Variants in GBF1 observed in about 807,000 individuals in gnomAD.
GBF1 encodes the protein Golgi-specific brefeldin A-resistance guanine nucleotide exchange factor 1.
GBF1 carries 114 observed loss-of-function variants against 210.5 expected under a neutral mutation model. The ratio of observed to expected loss-of-function variants is 0.54; its 90% CI spans 0.47 to 0.63. The LOEUF (loss-of-function observed/expected upper bound fraction) is 0.63, where lower values mean the gene tolerates loss of function less well. GBF1 is among the 30% of genes least tolerant of loss of function. The probability of loss-of-function intolerance (pLI) is 0.00; values close to 1 mark genes in which losing one functional copy is unlikely to be tolerated. For missense variants in GBF1, 1,851 were observed against 2,357.7 expected (o/e 0.79, Z 4.45); for synonymous variants, 850 against 889.2 (o/e 0.96, Z 0.78).
At position 102,365,565 on chromosome 10, in the gene GBF1, C is replaced by T. The variant is rs764096905; in HGVS notation, c.2275C>T (p.Arg759Cys). 1.9e-5 allele frequency: 31 copies of T among 1,614,056 alleles called. No individual in the cohort carries two copies. The highest frequency in any genetic ancestry group is 2.2e-5 in the East Asian group (1 of 44,892). The change falls in exon 18 of 40, where the codon CGC becomes TGC. Residue 759 changes from arginine (R) to cysteine (C), a missense_variant. Coordinates refer to ENST00000369983, the MANE Select transcript of GBF1 (RefSeq NM_001377137.1). ...KKMIGEFVSDRKNIDLLESFV... is the reference protein window; with the variant it reads ...KKMIGEFVSDCKNIDLLESFV... The stretch of plus-strand genomic sequence containing the variant: ...GATGATTGGAGAGTTTGTGAGTGAC[C>T]GCAAAAACATTGACCTGTTGGAGAG...
At position 102,363,239 on chromosome 10, in the gene GBF1, T is replaced by C. The variant is rs188662973; in HGVS notation, c.1877-17T>C. On this transcript the variant is annotated splice_polypyrimidine_tract_variant and intron_variant, in intron 15 of 39. Coordinates refer to ENST00000369983, the MANE Select transcript of GBF1 (RefSeq NM_001377137.1). The surrounding 1 kb of genome is among the most constrained non-coding windows in gnomAD (Gnocchi z 4.2). ...CATACCCTATAAGTCTTCACGTATC[T>C]TCTTCTCTCTTACCAGCTGAGAGAA... The C allele has an allele frequency of 6.2e-7, 1 of 1,605,516 alleles. No homozygotes were observed. Among genetic ancestry groups the C allele is most frequent in the Admixed American group, 1.7e-5 (1 of 59,482 alleles).
intron 36 of GBF1, 108 bp from the exon 37 acceptor site, chr10:102,380,141 T>C (rs1245606524): frequency 1.2e-6 from 1 of 808,130 alleles, no homozygotes; most frequent in African/African-American, 1.7e-5. Flanking sequence ...CCTCCATCTC[T>C]GATCTAAGAT....
chr10:102,352,593 A>C, intron 7 of GBF1, 75 bp downstream of exon 7: 2 of 1,033,380 alleles, frequency 1.9e-6, no homozygotes, highest in Non-Finnish European at 3.1e-6. Context: ...CAGCCACGTC[A>C]GGGACCTGGC....
intron 3 of GBF1, among the ~76,000 whole-genome samples, chr10:102,310,571 C>A (rs1203547474): frequency 1.3e-5 from 2 of 152,154 alleles, no homozygotes; most frequent in African/African-American, 2.4e-5. Flanking sequence ...GAAAACCTTG[C>A]AGCATCATTA....
chr10:102,303,449 C>T (rs1298228764), intron 3 of GBF1, among the ~76,000 whole-genome samples: 1 of 152,160 alleles, frequency 6.6e-6, no homozygotes, highest in Admixed American at 6.5e-5. Context: ...TGTAAAATGG[C>T]TAATGTCTGT....
chr10:102,308,131 C>T (rs2078076140), intron 3 of GBF1, among the ~76,000 whole-genome samples: 1 of 144,572 alleles, frequency 6.9e-6, no homozygotes. Context: ...ATATGCCCAG[C>T]AGGTAATCAT....
At chr10:102,268,092 G>A (rs1223739148) in intron 3 of GBF1, among the ~76,000 whole-genome samples, 1 of 152,000 alleles carries the variant, frequency 6.6e-6, no homozygotes, top group Non-Finnish European at 1.5e-5. Flanking sequence ...TTTTTACTGG[G>A]GCCTTCCCCA....
chr10:102,311,312 C>T (rs1323841657), intron 3 of GBF1, among the ~76,000 whole-genome samples: 1 of 152,182 alleles, frequency 6.6e-6, no homozygotes, highest in Non-Finnish European at 1.5e-5. Flanking sequence ...TTAAGAAAGG[C>T]TAACGCGGCT....
intron 33 of GBF1, 95 bp downstream of exon 33, chr10:102,377,235 A>G: frequency 1.1e-6 from 1 of 937,236 alleles, no homozygotes; most frequent in Non-Finnish European, 1.7e-6. Flanking sequence ...GGAAGGGCCC[A>G]TGTGTGCCAG....
intron 3 of GBF1, among the ~76,000 whole-genome samples, chr10:102,272,882 GT>G (rs994424267): frequency 3.9e-5 from 6 of 152,102 alleles, no homozygotes; most frequent in African/African-American, 7.2e-5. Context: ...TTACAGATAT[GT>G]TTTTTTCCAT....
chr10:102,253,345 A>G lies in GBF1; in HGVS notation c.-10-5584A>G, dbSNP rs189914010. Among the ~76,000 whole-genome samples the G allele has an allele frequency of 3.0e-4, 46 of 152,228 alleles. No individual in the cohort carries two copies. In the East Asian group the frequency reaches 8.5e-3, roughly 28 times the overall value. On this transcript the variant is annotated intron_variant, in intron 1 of 39. Coordinates refer to ENST00000369983, the MANE Select transcript of GBF1 (RefSeq NM_001377137.1). ...CCCACACTCCCTGCCGCTTGCCACT[A>G]TTCTCAATTTTTTTGTGTGAGCTTC...
chr10:102,354,693 A>T (rs952013355), intron 8 of GBF1, among the ~76,000 whole-genome samples: 1 of 152,114 alleles, frequency 6.6e-6, no homozygotes, highest in Admixed American at 6.6e-5. Flanking sequence ...TGAACATCAC[A>T]TAGTTAGCCT....
chr10:102,238,996 C>G, the GBF1 span, among the ~76,000 whole-genome samples: 382 of 152,342 alleles, frequency 2.5e-3, 2 homozygotes, highest in African/African-American at 8.8e-3. Flanking sequence ...GCTTGCATCA[C>G]TCCAGTTCTA....
At chr10:102,275,100 C>T (rs879629270) in intron 3 of GBF1, among the ~76,000 whole-genome samples, 18 of 151,782 alleles carry the variant, frequency 1.2e-4, no homozygotes, top group Non-Finnish European at 2.4e-4. Flanking sequence ...AGTGATCCAC[C>T]GGCCTCAGCC....
chr10:102,301,329 A>C (rs2077327654), intron 3 of GBF1, among the ~76,000 whole-genome samples: 1 of 152,262 alleles, frequency 6.6e-6, no homozygotes, highest in Non-Finnish European at 1.5e-5. Context: ...ATCCCAAGGC[A>C]GAAGAATTTT....
At chr10:102,369,095 G>A in intron 23 of GBF1, 116 bp from the exon 24 acceptor site, 2 of 779,548 alleles carry the variant, frequency 2.6e-6, no homozygotes, top group South Asian at 3.3e-5. Flanking sequence ...GTATTATGGG[G>A]GATTGAAGCA....
intron 3 of GBF1, among the ~76,000 whole-genome samples, chr10:102,296,451 T>C (rs755238420): frequency 3.9e-5 from 6 of 152,168 alleles, no homozygotes; most frequent in East Asian, 1.9e-4. Context: ...CTTTGAATGA[T>C]AAAGAATTGT....
chr10:102,367,437 G>T, intron 20 of GBF1, 41 bp from the exon 21 acceptor site: 1 of 1,333,864 alleles, frequency 7.5e-7, no homozygotes, highest in South Asian at 1.2e-5. Context: ...TGGGGCTTCA[G>T]TGTTGACACA....
chr10:102,378,410 G>T (rs576774690), intron 33 of GBF1, among the ~76,000 whole-genome samples: 12 of 151,982 alleles, frequency 7.9e-5, no homozygotes, highest in African/African-American at 2.7e-4. Flanking sequence ...ATCACTTGAG[G>T]CCAGGAGTTC....
Sources: allele counts gnomAD v4.1 joint callset (sites outside exome capture counted in the v4.1 genomes callset), GRCh38; gene constraint gnomAD v4.1.1; non-coding constraint Gnocchi (gnomAD v3.1); transcripts MANE v1.5; gene names NCBI Gene and HGNC (gene_info 2026-07-23, HGNC 2026-07-21).